The following LRGUK variants were observed in gnomAD, a reference collection of about 807,000 sequenced individuals.
LRGUK encodes the protein leucine rich repeats and guanylate kinase domain containing.
LRGUK carries 65 observed loss-of-function variants against 76.0 expected under a neutral mutation model. That is an observed-to-expected ratio of 0.85 (90% CI 0.70 to 1.05). The LOEUF (loss-of-function observed/expected upper bound fraction) is 1.05. Ranked by LOEUF, LRGUK falls within the 50% of genes least tolerant of loss-of-function variation. The pLI is 0.00. For synonymous variants in LRGUK, 268 were observed against 265.6 expected, an observed-to-expected ratio of 1.01 and a Z score of -0.09; for missense variants, 758 against 732.8, an observed-to-expected ratio of 1.03 and a Z score of -0.40.
chr7:134,168,077 G>A (rs1799069629), intron 7 of LRGUK, among the ~76,000 whole-genome samples: 1 of 152,080 alleles, frequency 6.6e-6, no homozygotes, highest in Non-Finnish European at 1.5e-5. Flanking sequence ...TGTTTTCTTG[G>A]CCAGGCATGG....
the LRGUK span, among the ~76,000 whole-genome samples, chr7:134,272,724 A>G: frequency 6.6e-6 from 1 of 152,216 alleles, no homozygotes; most frequent in Non-Finnish European, 1.5e-5. Context: ...TGTCTGAATG[A>G]CAGTACTATC....
intron 7 of LRGUK, among the ~76,000 whole-genome samples, chr7:134,167,818 A>C (rs1799060385): frequency 6.6e-6 from 1 of 152,108 alleles, no homozygotes; most frequent in African/African-American, 2.4e-5. Context: ...GCAAACTCTC[A>C]TGAAAAAAGG....
At chr7:134,178,934 A>AAAAAAAAAAAAAAACC (rs60466581) in intron 10 of LRGUK, among the ~76,000 whole-genome samples, 59,420 of 77,212 alleles carry the variant, frequency 0.77, 23,449 homozygotes, top group Non-Finnish European at 0.82. Flanking sequence ...CTCAAAAAAA[A>AAAAAAAAAAAAAAACC]AAAAAAAAAA....
At chr7:134,159,769 A>G (rs1798644796) in intron 6 of LRGUK, among the ~76,000 whole-genome samples, 3 of 152,206 alleles carry the variant, frequency 2.0e-5, no homozygotes, top group Admixed American at 1.3e-4. Context: ...AGTCTGGGTG[A>G]CAGAGCAAGA....
In LRGUK at chr7:134,147,322, C is replaced by T. The variant is rs146782896; in HGVS notation, c.589-916C>T. Among the ~76,000 whole-genome samples the T allele has an allele frequency of 1.3e-3, 194 of 151,970 alleles. 3 individuals carry two copies. In the East Asian group the frequency reaches 0.037, roughly 29 times the overall value. On this transcript the variant is annotated intron_variant, in intron 4 of 15. Transcript: ENST00000645682. ...TGGTGGCACACGTCTATAGTCCCAG[C>T]TGCTCAGAAGGCTGAGGCAGGAGAA...
intron 5 of LRGUK, among the ~76,000 whole-genome samples, chr7:134,151,279 T>C (rs894980910): frequency 2.9e-4 from 44 of 152,134 alleles, no homozygotes; most frequent in Non-Finnish European, 1.3e-4. Context: ...TTAAAACAAC[T>C]TTTATGCCAG....
chr7:134,171,835 A>G (rs1034237241), intron 7 of LRGUK, among the ~76,000 whole-genome samples: 3 of 152,162 alleles, frequency 2.0e-5, no homozygotes, highest in Non-Finnish European at 2.9e-5. Context: ...TGGCCTTTGC[A>G]GAGAAAAGAT....
intron 1 of LRGUK, among the ~76,000 whole-genome samples, chr7:134,132,030 A>C (rs188827828): frequency 5.3e-4 from 81 of 152,318 alleles, no homozygotes; most frequent in African/African-American, 1.8e-3. Context: ...AAGAAGACCT[A>C]TATGATAGGG....
intron 1 of LRGUK, among the ~76,000 whole-genome samples, chr7:134,134,873 A>G (rs891655738): frequency 5.9e-5 from 9 of 152,224 alleles, no homozygotes; most frequent in Non-Finnish European, 1.3e-4. Flanking sequence ...ATCGTCATCT[A>G]TTGGGAACAC....
intron 16 of LRGUK, among the ~76,000 whole-genome samples, chr7:134,240,857 A>C (rs878879091): frequency 6.6e-6 from 1 of 152,244 alleles, no homozygotes; most frequent in Non-Finnish European, 1.5e-5. Flanking sequence ...CGGATATCTC[A>C]GCAGAAACTC....
At chr7:134,262,795 C>G (rs1263723547) in intron 19 of LRGUK, among the ~76,000 whole-genome samples, 1 of 151,852 alleles carries the variant, frequency 6.6e-6, no homozygotes, top group Non-Finnish European at 1.5e-5. Context: ...TGGTGAAACC[C>G]CACCTCTACC....
At chr7:134,149,102 T>TG (rs1158832280) in intron 5 of LRGUK, among the ~76,000 whole-genome samples, 8 of 6,806 alleles carry the variant, frequency 1.2e-3, no homozygotes, top group Non-Finnish European at 2.1e-3. Context: ...ATATGCTTTC[T>TG]TTTTTTAAAA....
At chr7:134,276,511 TATC>T in the LRGUK span, among the ~76,000 whole-genome samples, 1 of 152,128 alleles carries the variant, frequency 6.6e-6, no homozygotes, top group African/African-American at 2.4e-5. Flanking sequence ...GATGGGGACA[TATC>T]ATGAATCAGG....
chr7:134,129,481 T>C (rs1797210328), intron 1 of LRGUK, among the ~76,000 whole-genome samples: 1 of 123,856 alleles, frequency 8.1e-6, no homozygotes, highest in East Asian at 2.7e-4. Flanking sequence ...TTCTCTCCTC[T>C]TCTCTTTCTT....
intron 16 of LRGUK, among the ~76,000 whole-genome samples, chr7:134,232,163 G>A (rs1801916432): frequency 6.6e-6 from 1 of 152,142 alleles, no homozygotes; most frequent in Admixed American, 6.6e-5. Flanking sequence ...GATGGGATAA[G>A]GTCAGTGTAT....
chr7:134,149,188 C>T (rs1234205477), intron 5 of LRGUK, among the ~76,000 whole-genome samples: 2 of 151,710 alleles, frequency 1.3e-5, no homozygotes, highest in Non-Finnish European at 2.9e-5. Flanking sequence ...AGCAGAGCAC[C>T]TCCTTTAAAG....
At chr7:134,194,894 G>A (rs1337296380) in intron 12 of LRGUK, among the ~76,000 whole-genome samples, 2 of 152,140 alleles carry the variant, frequency 1.3e-5, no homozygotes, top group African/African-American at 2.4e-5. Flanking sequence ...GATGAGAATT[G>A]CAATAGAGAA....
chr7:134,135,054 A>G (rs1278092593), intron 1 of LRGUK, among the ~76,000 whole-genome samples: 2 of 152,226 alleles, frequency 1.3e-5, no homozygotes, highest in East Asian at 1.9e-4. Context: ...AAGGTATTAT[A>G]CATGTATTAA....
At chr7:134,148,960 G>T (rs1289932294) in intron 5 of LRGUK, among the ~76,000 whole-genome samples, 1 of 151,834 alleles carries the variant, frequency 6.6e-6, no homozygotes, top group African/African-American at 2.4e-5. Context: ...GCTGAAACTT[G>T]TGTCCTATTT....
Sources: gnomAD v4.1 joint callset for allele counts (sites outside exome capture counted in the v4.1 genomes callset) on GRCh38, gnomAD v4.1.1 for gene constraint, MANE v1.5 for transcripts, NCBI Gene and HGNC (gene_info 2026-07-23, HGNC 2026-07-21) for gene names.